The following CCDC102B variants were observed in gnomAD, a reference collection of about 807,000 sequenced individuals.
CCDC102B encodes coiled-coil domain-containing protein 102B.
CCDC102B carries 75 observed loss-of-function variants against 57.4 expected under a neutral mutation model. That is an observed-to-expected ratio of 1.31 (90% CI 1.08 to 1.58). The LOEUF is 1.58. Ranked by LOEUF, CCDC102B falls within the 40% of genes most tolerant of loss-of-function variation. The pLI, the probability that CCDC102B is intolerant of heterozygous loss-of-function variation, is 0.00. For missense variants in CCDC102B, 636 were observed against 582.6 expected, an observed-to-expected ratio of 1.09 and a Z score of -0.94; for synonymous variants, 206 against 201.9, an observed-to-expected ratio of 1.02 and a Z score of -0.17.
intron 6 of CCDC102B, among the ~76,000 whole-genome samples, chr18:68,918,790 C>T (rs970829875): frequency 1.3e-5 from 2 of 151,958 alleles, no homozygotes; most frequent in Admixed American, 6.6e-5. Context: ...CATAGCAGTT[C>T]TAAAATTAAT....
At chr18:68,916,946 A>G (rs2145094381) in intron 6 of CCDC102B, among the ~76,000 whole-genome samples, 1 of 152,280 alleles carries the variant, frequency 6.6e-6, no homozygotes, top group Non-Finnish European at 1.5e-5. Context: ...TGCCAATGTG[A>G]CTAGAGTGAG....
chr18:68,923,852 A>G (rs1047112546), intron 6 of CCDC102B, among the ~76,000 whole-genome samples: 4 of 152,122 alleles, frequency 2.6e-5, no homozygotes, highest in African/African-American at 9.7e-5. Context: ...GAGGTTCATA[A>G]TAATGAATAT....
intron 6 of CCDC102B, among the ~76,000 whole-genome samples, chr18:68,982,879 CTTA>C (rs1225210070): frequency 6.6e-5 from 10 of 151,860 alleles, no homozygotes; most frequent in East Asian, 1.9e-4. Context: ...TAATAACATA[CTTA>C]TTAATCATAT....
intron 7 of CCDC102B, among the ~76,000 whole-genome samples, chr18:69,017,656 T>A (rs903235152): frequency 1.1e-4 from 16 of 152,172 alleles, no homozygotes; most frequent in Non-Finnish European, 2.4e-4. Flanking sequence ...ATTTTCATAA[T>A]GAGAACACCT....
At chr18:68,911,626 C>A (rs1204573617) in intron 6 of CCDC102B, among the ~76,000 whole-genome samples, 1 of 149,486 alleles carries the variant, frequency 6.7e-6, no homozygotes, top group Admixed American at 6.6e-5. Context: ...GTGGCGGGCG[C>A]CTGTAGTCCC....
chr18:69,013,754 G>T (rs777379523), intron 7 of CCDC102B, among the ~76,000 whole-genome samples: 1 of 152,106 alleles, frequency 6.6e-6, no homozygotes, highest in Non-Finnish European at 1.5e-5. Flanking sequence ...ACTCAGAAAA[G>T]AATTATCAAG....
chr18:68,961,262 A>G lies in CCDC102B; in HGVS notation c.1264-49672A>G, dbSNP rs181338985. 1.2e-3 allele frequency among the ~76,000 whole-genome samples: 186 copies of G among 152,086 alleles called. 2 individuals are homozygous for G. The highest frequency in any genetic ancestry group is 2.3e-3 in the Non-Finnish European group (157 of 67,930). On this transcript the variant is annotated intron_variant, in intron 6 of 7. Coordinates refer to ENST00000360242, the MANE Select transcript of CCDC102B (RefSeq NM_024781.3). ...CTATCAATCACATATGCAATTTTCT[A>G]TTTTTCAGAAGAACCTGAAAATATG...
chr18:68,799,145 A>C (rs989013495), intron 1 of CCDC102B, among the ~76,000 whole-genome samples: 10 of 152,224 alleles, frequency 6.6e-5, no homozygotes, highest in African/African-American at 2.4e-4. Context: ...TATTGCCAAT[A>C]AATATTTTTA....
At chr18:68,929,844 A>G (rs940548397) in intron 6 of CCDC102B, among the ~76,000 whole-genome samples, 12 of 149,818 alleles carry the variant, frequency 8.0e-5, no homozygotes, top group Admixed American at 6.6e-5. Context: ...ACACACACAC[A>G]TATATATATG....
intron 6 of CCDC102B, among the ~76,000 whole-genome samples, chr18:69,002,216 AAC>A (rs2051221999): frequency 6.6e-6 from 1 of 152,296 alleles, no homozygotes; most frequent in Admixed American, 6.5e-5. Flanking sequence ...GCTTCAATAA[AAC>A]AGTTATTTCT....
chr18:69,037,323 A>G (rs1289650782), intron 7 of CCDC102B, among the ~76,000 whole-genome samples: 1 of 152,058 alleles, frequency 6.6e-6, no homozygotes, highest in African/African-American at 2.4e-5. Flanking sequence ...ATATGGTTGC[A>G]AAAACATCAA....
At chr18:68,804,560 C>T (rs1171994446) in intron 1 of CCDC102B, among the ~76,000 whole-genome samples, 1 of 152,084 alleles carries the variant, frequency 6.6e-6, no homozygotes, top group African/African-American at 2.4e-5. Flanking sequence ...TGTGGGGCAG[C>T]TACCAGGGAG....
intron 7 of CCDC102B, among the ~76,000 whole-genome samples, chr18:69,014,445 T>C (rs1432281451): frequency 1.3e-5 from 2 of 152,168 alleles, no homozygotes; most frequent in African/African-American, 4.8e-5. Flanking sequence ...CCAGGCCAAA[T>C]ACAGGAATAT....
At chr18:68,998,600 G>GTACT (rs777569954) in intron 6 of CCDC102B, among the ~76,000 whole-genome samples, 129,807 of 151,382 alleles carry the variant, frequency 0.86, 57,610 homozygotes, top group Non-Finnish European at 0.97. Flanking sequence ...CCCCAAAGTA[G>GTACT]GGAAGCCAAC....
At chr18:68,849,632 G>A (rs2038033551) in intron 4 of CCDC102B, among the ~76,000 whole-genome samples, 1 of 152,080 alleles carries the variant, frequency 6.6e-6, no homozygotes, top group Non-Finnish European at 1.5e-5. Context: ...AAACACTTCA[G>A]TGAATTATCT....
In CCDC102B at chr18:68,841,070, A is replaced by G. The variant is rs183794202; in HGVS notation, c.827+2144A>G. On this transcript the variant is annotated intron_variant, in intron 3 of 7. Transcript: ENST00000360242. ...GTCCATGAATCAACATTTGCATGCA[A>G]TCCGCATGAGGCAATCAGTCTTTTT... 6.8e-4 allele frequency among the ~76,000 whole-genome samples: 103 copies of G among 152,322 alleles called. 1 individual carries two copies. The highest frequency in any genetic ancestry group is 2.3e-3 in the African/African-American group (97 of 41,592).
intron 6 of CCDC102B, among the ~76,000 whole-genome samples, chr18:68,995,063 A>G (rs2050985056): frequency 6.6e-6 from 1 of 152,202 alleles, no homozygotes; most frequent in Admixed American, 6.5e-5. Flanking sequence ...GACGGAGATG[A>G]GGAACTTGTT....
At chr18:68,752,926 C>G (rs1162197395) in intron 2 of CCDC102B, among the ~76,000 whole-genome samples, 2 of 152,074 alleles carry the variant, frequency 1.3e-5, no homozygotes, top group Non-Finnish European at 2.9e-5. Flanking sequence ...AGAAAAATCT[C>G]AGCCATTACT....
intron 7 of CCDC102B, among the ~76,000 whole-genome samples, chr18:69,023,083 T>C (rs2051890958): frequency 6.6e-6 from 1 of 151,862 alleles, no homozygotes; most frequent in Non-Finnish European, 1.5e-5. Context: ...AAATGAAAAA[T>C]ACAAACTCAG....
Sources: gnomAD v4.1 joint callset for allele counts (sites outside exome capture counted in the v4.1 genomes callset) on GRCh38, gnomAD v4.1.1 for gene constraint, MANE v1.5 for transcripts, NCBI Gene and HGNC (gene_info 2026-07-23, HGNC 2026-07-21) for gene names.